The following EDIL3 variants were observed in gnomAD, a reference collection of about 807,000 sequenced individuals.
EDIL3 encodes EGF like and discoidin domains 3.
EDIL3 carries 37 observed loss-of-function variants against 67.4 expected under a neutral mutation model. That is an observed-to-expected ratio of 0.55 (90% CI 0.42 to 0.72). The LOEUF is 0.72. Among genes scored for constraint, EDIL3 ranks in the 30% least tolerant of loss-of-function variants. The probability of loss-of-function intolerance (pLI) is 0.00; values close to 1 mark genes in which losing one functional copy is unlikely to be tolerated. For synonymous variants in EDIL3, 195 were observed against 196.3 expected (o/e 0.99, Z 0.05); for missense variants, 527 against 586.3 (o/e 0.90, Z 1.04).
chr5:84,153,615 A>G (rs1333162654), intron 4 of EDIL3, among the ~76,000 whole-genome samples: 1 of 152,058 alleles, frequency 6.6e-6, no homozygotes, highest in Non-Finnish European at 1.5e-5. Flanking sequence ...GGCATCTGCC[A>G]CCATGCCCAG....
intron 1 of EDIL3, among the ~76,000 whole-genome samples, chr5:84,255,202 C>T (rs911641901): frequency 6.6e-6 from 1 of 150,612 alleles, no homozygotes; most frequent in African/African-American, 2.4e-5. Flanking sequence ...TTTCTAAACT[C>T]CCAACTCTCA....
At chr5:84,340,546 A>C (rs868046046) in intron 1 of EDIL3, among the ~76,000 whole-genome samples, 7,189 of 96,770 alleles carry the variant, frequency 0.074, 242 homozygotes, top group Non-Finnish European at 0.086. Context: ...ATATATATAT[A>C]TATATATATA....
chr5:84,060,084 C>T (rs912786706), intron 9 of EDIL3, among the ~76,000 whole-genome samples: 8 of 152,148 alleles, frequency 5.3e-5, no homozygotes, highest in African/African-American at 1.9e-4. Flanking sequence ...TCTCCTGCAT[C>T]AAGCTTACAC....
At position 84,066,464 on chromosome 5, in the gene EDIL3, G is replaced by T; in HGVS notation, c.794C>A (p.Thr265Asn). The T allele has an allele frequency of 1.3e-6, 2 of 1,596,904 alleles. No individual in the cohort carries two copies. The highest frequency in any genetic ancestry group is 1.7e-6 in the Non-Finnish European group (2 of 1,175,090). The change falls in exon 7 of 11, where the codon ACC becomes AAC. Residue 265 changes from threonine to asparagine, a missense_variant. By Grantham distance (65) the Thr-to-Asn change is moderately conservative. Coordinates refer to ENST00000296591, the MANE Select transcript of EDIL3 (RefSeq NM_005711.5). ...KTWAMYKVKG[T>N]NEDMVFRGNI... ...AATTATTCTTACCATGTCTTCATTG[G>T]TGCCTTTCACTTTGTACATTGCCCA...
At chr5:84,196,486 T>G (rs543680957) in intron 3 of EDIL3, among the ~76,000 whole-genome samples, 2 of 152,180 alleles carry the variant, frequency 1.3e-5, no homozygotes, top group African/African-American at 4.8e-5. Flanking sequence ...TAACATAGCA[T>G]GTAATTTATT....
chr5:83,955,884 A>G (rs1744506150), intron 10 of EDIL3, among the ~76,000 whole-genome samples: 1 of 151,830 alleles, frequency 6.6e-6, no homozygotes, highest in Admixed American at 6.6e-5. Context: ...CATATTTCAC[A>G]TTGACAGTGT....
intron 5 of EDIL3, among the ~76,000 whole-genome samples, chr5:84,124,421 A>C (rs1747828168): frequency 6.6e-6 from 1 of 151,946 alleles, no homozygotes; most frequent in African/African-American, 2.4e-5. Context: ...ATACTTTTGT[A>C]ATCAGAAAAC....
intron 4 of EDIL3, among the ~76,000 whole-genome samples, chr5:84,171,629 G>A (rs888324172): frequency 1.2e-4 from 19 of 152,106 alleles, no homozygotes; most frequent in Non-Finnish European, 2.5e-4. Context: ...ATTCAATAAG[G>A]TTGTGCGATT....
intron 1 of EDIL3, among the ~76,000 whole-genome samples, chr5:84,353,801 A>G (rs1042961387): frequency 5.9e-5 from 9 of 152,146 alleles, no homozygotes; most frequent in African/African-American, 1.9e-4. Context: ...CATTTTTATC[A>G]TTCTCATTTG....
At chr5:84,368,660 C>T (rs1016172069) in intron 1 of EDIL3, among the ~76,000 whole-genome samples, 4 of 151,650 alleles carry the variant, frequency 2.6e-5, no homozygotes, top group Non-Finnish European at 5.9e-5. Flanking sequence ...TTTTGTATAT[C>T]CAAATAAACT....
chr5:84,042,260 T>C lies in EDIL3; in HGVS notation c.1137+18040A>G, dbSNP rs541299407. On this transcript the variant is annotated intron_variant, in intron 9 of 10. Transcript: ENST00000296591. Reference sequence around the variant, plus strand: ...ACAAAAACCTTCTTATCATTTTCAATAGCATTAAAAAATAGTGCAAATGGA... The same window carrying C: ...ACAAAAACCTTCTTATCATTTTCAACAGCATTAAAAAATAGTGCAAATGGA... Among the ~76,000 whole-genome samples the C allele has an allele frequency of 5.2e-4, 79 of 152,010 alleles. 2 individuals are homozygous for C. Among genetic ancestry groups the C allele is most frequent in the South Asian group, 2.1e-3 (10 of 4,822 alleles).
intron 3 of EDIL3, among the ~76,000 whole-genome samples, chr5:84,206,900 A>G (rs1191410292): frequency 3.9e-5 from 6 of 152,234 alleles, no homozygotes; most frequent in Non-Finnish European, 5.9e-5. Context: ...CATATCTCAA[A>G]TAATAAGAGC....
chr5:84,305,729 A>T (rs1370642437), intron 1 of EDIL3, among the ~76,000 whole-genome samples: 1 of 152,048 alleles, frequency 6.6e-6, no homozygotes, highest in Non-Finnish European at 1.5e-5. Context: ...AATACAAAAA[A>T]TTAGCCAGGC....
chr5:84,025,792 A>T (rs1745800241), intron 9 of EDIL3, among the ~76,000 whole-genome samples: 1 of 152,220 alleles, frequency 6.6e-6, no homozygotes, highest in Non-Finnish European at 1.5e-5. Context: ...TAATATGATT[A>T]TATGTAATAG....
rs571574533 is a variant in EDIL3, at chr5:83,949,125, A to T, written c.1294-5557T>A. Among the ~76,000 whole-genome samples, 201 of 151,888 alleles carry T rather than the reference A, an allele frequency of 1.3e-3. 3 individuals carry two copies. In the Middle Eastern group the frequency reaches 0.024, roughly 18 times the overall value. ...TTGTTAATAAGTGTCTATATTGATC[A>T]TCAGTCTGCAGAATGAGCTGGGGGA... On this transcript the variant is annotated intron_variant, in intron 10 of 10. Coordinates refer to ENST00000296591, the MANE Select transcript of EDIL3 (RefSeq NM_005711.5).
chr5:84,295,727 C>A (rs918369968), intron 1 of EDIL3, among the ~76,000 whole-genome samples: 1 of 152,014 alleles, frequency 6.6e-6, no homozygotes, highest in East Asian at 1.9e-4. Context: ...ATATTAATTG[C>A]AATTGTTTAT....
intron 9 of EDIL3, among the ~76,000 whole-genome samples, chr5:84,048,616 G>T (rs918586602): frequency 3.3e-5 from 5 of 151,918 alleles, no homozygotes; most frequent in African/African-American, 1.2e-4. Flanking sequence ...AGGTGGGATT[G>T]TGACATTTTC....
At chr5:84,036,510 A>G (rs1746024749) in intron 9 of EDIL3, among the ~76,000 whole-genome samples, 1 of 152,180 alleles carries the variant, frequency 6.6e-6, no homozygotes, top group Non-Finnish European at 1.5e-5. Context: ...GAACCTTTCT[A>G]AACAGCAAAG....
At chr5:84,321,446 T>C (rs1200276299) in intron 1 of EDIL3, among the ~76,000 whole-genome samples, 1 of 152,130 alleles carries the variant, frequency 6.6e-6, no homozygotes, top group African/African-American at 2.4e-5. Flanking sequence ...GTCTCTGTAC[T>C]TAAACAACAA....
Sources: allele counts gnomAD v4.1 joint callset (sites outside exome capture counted in the v4.1 genomes callset), GRCh38; gene constraint gnomAD v4.1.1; transcripts MANE v1.5; gene names NCBI Gene and HGNC (gene_info 2026-07-23, HGNC 2026-07-21).